Variants in ZNF362 observed in about 807,000 individuals in gnomAD.
ZNF362 encodes rotund homolog.
Under a neutral mutation model 42.9 loss-of-function variants are expected in ZNF362, and 11 were observed. The ratio of observed to expected loss-of-function variants is 0.26; its 90% CI spans 0.16 to 0.42. The LOEUF (loss-of-function observed/expected upper bound fraction) is 0.42. Among genes scored for constraint, ZNF362 ranks in the 20% least tolerant of loss-of-function variants. The pLI is 1.00. For synonymous variants in ZNF362, 255 were observed against 257.3 expected (o/e 0.99, Z 0.09); for missense variants, 362 against 576.2 (o/e 0.63, Z 3.81).
chr1:33,140,194 T>C, the ZNF362 span, among the ~76,000 whole-genome samples: 1 of 152,126 alleles, frequency 6.6e-6, no homozygotes, highest in Non-Finnish European at 1.5e-5. This position sits in a 1 kb window ranked among gnomAD's most constrained non-coding sequence, Gnocchi z 4.0. Flanking sequence ...GTTCAGCCGA[T>C]GAGGAACAGG....
chr1:33,174,945 G>GTGTGTA, the ZNF362 span, among the ~76,000 whole-genome samples: 197 of 141,736 alleles, frequency 1.4e-3, 1 homozygote, highest in African/African-American at 5.3e-3. Context: ...ATATATGTGT[G>GTGTGTA]TATATATATA....
At chr1:33,224,123 A>G in the ZNF362 span, among the ~76,000 whole-genome samples, 1 of 152,180 alleles carries the variant, frequency 6.6e-6, no homozygotes, top group African/African-American at 2.4e-5. Context: ...ATTTACCAAA[A>G]CATCAAGAGA....
the ZNF362 span, chr1:33,159,985 G>C: frequency 6.3e-7 from 1 of 1,584,344 alleles, no homozygotes; most frequent in Non-Finnish European, 8.6e-7. This position sits in a 1 kb window ranked among gnomAD's most constrained non-coding sequence, Gnocchi z 4.2. Flanking sequence ...TGGGGGAGCA[G>C]ATGGGGTGAT....
At chr1:33,241,045 G>A in the ZNF362 span, among the ~76,000 whole-genome samples, 2 of 150,806 alleles carry the variant, frequency 1.3e-5, no homozygotes, top group African/African-American at 4.8e-5. Flanking sequence ...ATCCAAAGGG[G>A]GAATCTGTTG....
the ZNF362 span, among the ~76,000 whole-genome samples, chr1:33,197,953 C>T: frequency 6.6e-6 from 1 of 151,976 alleles, no homozygotes; most frequent in Non-Finnish European, 1.5e-5. Flanking sequence ...GTAGAGCACT[C>T]AGAAGGGTTT....
the ZNF362 span, among the ~76,000 whole-genome samples, chr1:33,136,113 C>CCCTTCCTTCCTTGCTTCCTT: frequency 1.9e-5 from 2 of 103,512 alleles, no homozygotes; most frequent in African/African-American, 3.9e-5. Flanking sequence ...CAGGGGCCAG[C>CCCTTCCTTCCTTGCTTCCTT]CCTTCCTTCC....
the ZNF362 span, among the ~76,000 whole-genome samples, chr1:33,242,840 G>A: frequency 1.4e-3 from 220 of 152,176 alleles, 6 homozygotes; most frequent in African/African-American, 4.7e-3. Flanking sequence ...ATCCTGTTTT[G>A]GACAAGCCAA....
chr1:33,279,787 C>G (rs959776080), intron 4 of ZNF362, among the ~76,000 whole-genome samples: 2 of 152,186 alleles, frequency 1.3e-5, no homozygotes, highest in South Asian at 4.1e-4. Flanking sequence ...TCAGTAGAGG[C>G]AATTAATTGC....
At chr1:33,187,772 T>C in the ZNF362 span, among the ~76,000 whole-genome samples, 21 of 152,234 alleles carry the variant, frequency 1.4e-4, no homozygotes, top group Admixed American at 6.5e-4. Flanking sequence ...AACTAGGATC[T>C]CTGGTTCAAC....
Position 33,300,638 on chromosome 1 carries a change from AGGG to A in ZNF362, c.*1595_*1597del, listed in dbSNP as rs1424051312. On this transcript the variant is annotated 3_prime_UTR_variant, in exon 9 of 9. Transcript: ENST00000539719. ...ATCAAATGTGGGGGGAAAACACTAA[AGGG>A]GGCAAGAAACAAAGGAATTACAAAC... is the stretch of plus-strand genomic sequence containing the variant. 3 of 151,970 alleles carry A rather than the reference AGGG, an allele frequency of 2.0e-5. No individual in the cohort carries two copies. The highest frequency in any genetic ancestry group is 7.3e-5 in the African/African-American group (3 of 41,350). 9.4% of individuals were successfully genotyped at this position (151,970 alleles called of 1,614,324 possible). A position where few individuals can be genotyped will look rare whatever the true frequency, so the allele number is the denominator to read the frequency against.
chr1:33,238,056 C>T, the ZNF362 span, among the ~76,000 whole-genome samples: 3 of 152,130 alleles, frequency 2.0e-5, no homozygotes, highest in Non-Finnish European at 2.9e-5. Context: ...CAGTGGCTCA[C>T]GCCTGTAATC....
chr1:33,234,760 T>A, the ZNF362 span, among the ~76,000 whole-genome samples: 1 of 152,182 alleles, frequency 6.6e-6, no homozygotes, highest in Non-Finnish European at 1.5e-5. Context: ...ATTGCTCCCA[T>A]CTGTCCAATG....
At chr1:33,138,144 G>A in the ZNF362 span, among the ~76,000 whole-genome samples, 1 of 152,182 alleles carries the variant, frequency 6.6e-6, no homozygotes, top group African/African-American at 2.4e-5. Flanking sequence ...AGTAGGCAGA[G>A]GTTACACCCT....
chr1:33,239,122 G>C, the ZNF362 span, among the ~76,000 whole-genome samples: 1 of 152,086 alleles, frequency 6.6e-6, no homozygotes. Context: ...TTGTGTCTGT[G>C]GCACTATTAT....
At chr1:33,146,917 C>T in the ZNF362 span, 1 of 517,862 alleles carries the variant, frequency 1.9e-6, no homozygotes. Flanking sequence ...GCAGGGGTTG[C>T]CCTGAGGAGA....
At chr1:33,187,023 C>T in the ZNF362 span, among the ~76,000 whole-genome samples, 502 of 151,896 alleles carry the variant, frequency 3.3e-3, 6 homozygotes, top group African/African-American at 0.012. Context: ...TAAGGGTGCA[C>T]TATTATCACA....
At chr1:33,143,935 CAA>C in the ZNF362 span, among the ~76,000 whole-genome samples, 1 of 152,240 alleles carries the variant, frequency 6.6e-6, no homozygotes, top group African/African-American at 2.4e-5. Flanking sequence ...ACTTTGGAGA[CAA>C]GACAGAATAG....
At chr1:33,178,261 G>C in the ZNF362 span, among the ~76,000 whole-genome samples, 17 of 152,222 alleles carry the variant, frequency 1.1e-4, no homozygotes, top group Admixed American at 6.5e-5. Flanking sequence ...ATCAGCTGCT[G>C]GGAGAGAAGG....
chr1:33,279,891 A>G (rs1223389421), intron 4 of ZNF362, among the ~76,000 whole-genome samples: 1 of 152,200 alleles, frequency 6.6e-6, no homozygotes, highest in African/African-American at 2.4e-5. Flanking sequence ...TTTGTGCCTC[A>G]GTATTTTTCT....
Sources: gnomAD v4.1 joint callset for allele counts (sites outside exome capture counted in the v4.1 genomes callset) on GRCh38, gnomAD v4.1.1 for gene constraint, Gnocchi (gnomAD v3.1) non-coding constraint, MANE v1.5 for transcripts, NCBI Gene and HGNC (gene_info 2026-07-23, HGNC 2026-07-21) for gene names.